The following NUP188 variants were observed in gnomAD, a reference collection of about 807,000 sequenced individuals.
NUP188 encodes nucleoporin NUP188.
In NUP188, 97 loss-of-function variants were observed where a neutral mutation model predicts 223.0. The observed-to-expected ratio is 0.43, with a 90% confidence interval of 0.37 to 0.51. The LOEUF (loss-of-function observed/expected upper bound fraction) is 0.51, where lower values mean the gene tolerates loss of function less well. Ranked by LOEUF, NUP188 falls within the 20% of genes least tolerant of loss-of-function variation. NUP188 has a pLI of 0.00. For missense variants in NUP188, 1,947 were observed against 2,175.6 expected (o/e 0.89, Z 2.09); for synonymous variants, 869 against 828.0 (o/e 1.05, Z -0.85).
chr9:128,949,350 G>C, intron 2 of NUP188, 107 bp downstream of exon 2: 1 of 775,006 alleles, frequency 1.3e-6, no homozygotes, highest in Non-Finnish European at 2.2e-6. Flanking sequence ...TATTTATTTA[G>C]AGACAGAGTT....
Position 128,982,655 on chromosome 9 carries a change from C to T in NUP188, c.1623C>T (p.Leu541=). ...AATACTCCTATAGCAGCTGGACCCT[C>T]TTTACCTGCGAGATTGAAATGTTGC... is the stretch of plus-strand genomic sequence containing the variant. ...RWEYSYSSWT[L]FTCEIEMLLH... Residue 541 remains leucine (L), a synonymous_variant, in exon 16 of 44, where the codon CTC becomes CTT. Coordinates refer to ENST00000372577, the MANE Select transcript of NUP188 (RefSeq NM_015354.3). 2 of 1,614,150 alleles carry T rather than the reference C, an allele frequency of 1.2e-6. No individual in the cohort carries two copies. Among genetic ancestry groups the T allele is most frequent in the Non-Finnish European group, 1.7e-6 (2 of 1,180,022 alleles).
intron 8 of NUP188, among the ~76,000 whole-genome samples, 164 bp downstream of exon 8, chr9:128,959,298 C>T (rs1410619375): frequency 1.3e-5 from 2 of 151,954 alleles, no homozygotes; most frequent in African/African-American, 2.4e-5. Context: ...CCCGTCGTCA[C>T]GCCCAGCCAA....
Position 129,006,963 on chromosome 9 carries a change from C to CGGCCAGGGGAGAGGCGGCA in NUP188, c.*287_*305dup. ...TTTCCAGCATTCCCCACAGCACTGC[C>CGGCCAGGGGAGAGGCGGCA]GGCCAGGGGAGAGGCGGCAGCCCAG... On this transcript the variant is annotated 3_prime_UTR_variant, in exon 44 of 44. Coordinates refer to ENST00000372577, the MANE Select transcript of NUP188 (RefSeq NM_015354.3). 2.9e-6 allele frequency: 1 copy of CGGCCAGGGGAGAGGCGGCA among 342,308 alleles called. No individual in the cohort carries two copies. 21.2% of individuals were successfully genotyped at this position (342,308 alleles called of 1,614,324 possible).
intron 25 of NUP188, among the ~76,000 whole-genome samples, chr9:128,990,462 T>C (rs1842402292): frequency 6.6e-6 from 1 of 152,080 alleles, no homozygotes; most frequent in Non-Finnish European, 1.5e-5. Flanking sequence ...GTGCGGTGGC[T>C]CATGCCTGTA....
At position 128,998,212 on chromosome 9, in the gene NUP188, A is replaced by T. The variant is rs1307898962; in HGVS notation, c.3413A>T (p.Asp1138Val). The part of the protein sequence containing the change: ...VRRQLFLDVL[D>V]GTKALLLVPA... ...CGCCAGCTCTTTCTTGACGTGCTTGATGGAACCAAAGCATTAGTAAGTGTG... is the reference window on the plus strand; with the variant it reads ...CGCCAGCTCTTTCTTGACGTGCTTGTTGGAACCAAAGCATTAGTAAGTGTG... The change falls in exon 31 of 44, where the codon GAT (aspartate) becomes GTT (valine). Residue 1138 changes from aspartate (D) to valine (V), a missense_variant. Asp to Val is a radical substitution (Grantham distance 152). Transcript: ENST00000372577. 6.2e-7 allele frequency: 1 copy of T among 1,613,402 alleles called. No homozygotes were observed. Among genetic ancestry groups the T allele is most frequent in the Non-Finnish European group, 8.5e-7 (1 of 1,179,332 alleles).
At chr9:128,994,291 A>C in intron 27 of NUP188, 82 bp from the exon 28 acceptor site, 1 of 899,848 alleles carries the variant, frequency 1.1e-6, no homozygotes, top group Non-Finnish European at 1.9e-6. Context: ...ATATGAAGTG[A>C]CCACCAAAGG....
At position 128,993,323 on chromosome 9, in the gene NUP188, A is replaced by G. The variant is rs756580523; in HGVS notation, c.2767A>G (p.Thr923Ala). 6.2e-7 allele frequency: 1 copy of G among 1,614,180 alleles called. No individual in the cohort carries two copies. The highest frequency in any genetic ancestry group is 1.1e-5 in the South Asian group (1 of 91,084). ...RIKVMILEFL[T>A]VAVETQPGLI... ...CAAAGTCATGATTCTAGAGTTCCTCACTGTTGCAGTAGAGACCCAGCCAGG... is the reference window on the plus strand; with the variant it reads ...CAAAGTCATGATTCTAGAGTTCCTCGCTGTTGCAGTAGAGACCCAGCCAGG... The change falls in exon 26 of 44, where the codon ACT becomes GCT. Residue 923 changes from threonine to alanine, a missense_variant. Physicochemically the swap from Thr to Ala is moderately conservative, Grantham distance 58. This residue lies in a region of NUP188 where 225 missense variants were observed against 319.1 expected (regional missense o/e 0.71). Coordinates refer to ENST00000372577, the MANE Select transcript of NUP188 (RefSeq NM_015354.3).
Position 128,987,432 on chromosome 9 carries a change from G to A in NUP188, c.2265-157G>A, listed in dbSNP as rs17452463. ...GGGTGATCTTTAGGTGATCAAGTCT[G>A]TTTCAGGAAAGTGATCAGAGTGCCT... On this transcript the variant is annotated intron_variant, in intron 22 of 43. Coordinates refer to ENST00000372577, the MANE Select transcript of NUP188 (RefSeq NM_015354.3). Among the ~76,000 whole-genome samples, 486 of 152,260 alleles carry A rather than the reference G, an allele frequency of 3.2e-3. 7 individuals are homozygous for A. The East Asian group carries it at 0.042, about 13-fold the overall frequency.
intron 8 of NUP188, among the ~76,000 whole-genome samples, chr9:128,966,260 CTGTG>C (rs10616823): frequency 0.064 from 8,862 of 139,486 alleles, 346 homozygotes; most frequent in Middle Eastern, 0.15. Flanking sequence ...GTCTCTGTGT[CTGTG>C]TGTGTGTGTG....
chr9:128,997,093 A>G (rs932081689), intron 30 of NUP188, among the ~76,000 whole-genome samples: 31 of 152,254 alleles, frequency 2.0e-4, no homozygotes, highest in African/African-American at 7.5e-4. Context: ...AGATAGAAGT[A>G]GTCAGGGTGG....
At chr9:128,981,739 A>C (rs1477594582) in intron 15 of NUP188, among the ~76,000 whole-genome samples, 5 of 152,176 alleles carry the variant, frequency 3.3e-5, no homozygotes, top group Non-Finnish European at 7.3e-5. Flanking sequence ...TTTGAATGGA[A>C]AACTGTTCTT....
intron 34 of NUP188, 74 bp from the exon 35 acceptor site, chr9:129,001,455 G>T: frequency 6.9e-7 from 1 of 1,459,722 alleles, no homozygotes; most frequent in South Asian, 1.2e-5. Context: ...GGGCAACCAG[G>T]CCCACCGCTG....
At chr9:128,979,883 C>T (rs1406483725) in intron 13 of NUP188, among the ~76,000 whole-genome samples, 1 of 152,162 alleles carries the variant, frequency 6.6e-6, no homozygotes, top group South Asian at 2.1e-4. Context: ...CTGCCAGCCT[C>T]GGCCTCCCAA....
chr9:128,968,692 A>T lies in NUP188; in HGVS notation c.772A>T (p.Met258Leu). 4 of 1,614,072 alleles carry T rather than the reference A, an allele frequency of 2.5e-6. No homozygotes were observed. Among genetic ancestry groups the T allele is most frequent in the Non-Finnish European group, 3.4e-6 (4 of 1,179,900 alleles). ...CAATAGGCACCTGGTGGATGAGACT[A>T]TGGATCCTTTTGTAGATCGGATTGG... ...QTNRHLVDET[M>L]DPFVDRIGYF... is the part of the protein sequence containing the mutation. The change falls in exon 9 of 44, where the codon ATG (methionine) becomes TTG (leucine). Residue 258 changes from methionine (M) to leucine (L), a missense_variant. By Grantham distance (15) the Met-to-Leu change is conservative (BLOSUM62 2). Transcript: ENST00000372577.
At position 128,986,745 on chromosome 9, in the gene NUP188, C is replaced by G. The variant is rs1033859903; in HGVS notation, c.2198-64C>G. On this transcript the variant is annotated intron_variant, in intron 21 of 43. Transcript: ENST00000372577. ...CCCACTGGAGAGCTTTTTTCTTTCCCTTTCTTGAGATAAGGGGTCATTTCA... is the reference window on the plus strand; with the variant it reads ...CCCACTGGAGAGCTTTTTTCTTTCCGTTTCTTGAGATAAGGGGTCATTTCA... 7 of 1,613,154 alleles carry G rather than the reference C, an allele frequency of 4.3e-6. No individual in the cohort carries two copies. The African/African-American group carries it at 9.4e-5, about 22-fold the overall frequency.
intron 25 of NUP188, 52 bp downstream of exon 25, chr9:128,990,278 C>A (rs1440271648): frequency 2.8e-6 from 4 of 1,407,174 alleles, no homozygotes; most frequent in Non-Finnish European, 4.0e-6. Flanking sequence ...TGTTTTTTTC[C>A]CCCTGATTAC....
intron 8 of NUP188, among the ~76,000 whole-genome samples, chr9:128,961,843 A>G (rs1282850080): frequency 6.6e-6 from 1 of 150,946 alleles, no homozygotes; most frequent in Non-Finnish European, 1.5e-5. Flanking sequence ...CTGGTCTAGA[A>G]CTCCCGACCT....
At chr9:128,948,598 CT>C (rs1195501070) in intron 1 of NUP188, 3 of 152,294 alleles carry the variant, frequency 2.0e-5, no homozygotes, top group African/African-American at 7.2e-5. Flanking sequence ...ACCACCACGC[CT>C]CCTTCTGTCT....
At chr9:129,003,848 C>T in intron 38 of NUP188, 20 of 312,956 alleles carry the variant, frequency 6.4e-5, no homozygotes, top group South Asian at 4.8e-4. Context: ...TGGCACGTGA[C>T]TGTAATCCCA....
Sources: gnomAD v4.1 joint callset for allele counts (sites outside exome capture counted in the v4.1 genomes callset) on GRCh38, gnomAD v4.1.1 for gene constraint, gnomAD v4.1.1 regional missense constraint, MANE v1.5 for transcripts, NCBI Gene and HGNC (gene_info 2026-07-23, HGNC 2026-07-21) for gene names.